CTNNA2: variants seen among roughly 807,000 people sequenced by gnomAD.
The protein encoded by CTNNA2 is catenin alpha 2, also known as catenin alpha-2.
CTNNA2 carries 42 observed loss-of-function variants against 101.0 expected under a neutral mutation model. The ratio of observed to expected loss-of-function variants is 0.42; its 90% confidence interval spans 0.32 to 0.54. The LOEUF (loss-of-function observed/expected upper bound fraction) is 0.54, where lower values mean the gene tolerates loss of function less well. Ranked by LOEUF, CTNNA2 falls within the 20% of genes least tolerant of loss-of-function variation. The pLI, the probability that CTNNA2 is intolerant of heterozygous loss-of-function variation, is 0.14. For synonymous variants in CTNNA2, 450 were observed against 456.4 expected, an observed-to-expected ratio of 0.99 and a Z score of 0.18; for missense variants, 871 against 1,223.1, an observed-to-expected ratio of 0.71 and a Z score of 4.29.
At chr2:80,403,832 T>A (rs113686524) in intron 8 of CTNNA2, among the ~76,000 whole-genome samples, 3,931 of 152,338 alleles carry the variant, frequency 0.026, 178 homozygotes, top group African/African-American at 0.088. Flanking sequence ...ATGTTGAATT[T>A]TGTCGAAGAT....
At chr2:79,212,091 G>A (rs190158183) in intron 2 of CTNNA2, among the ~76,000 whole-genome samples, 116 of 152,298 alleles carry the variant, frequency 7.6e-4, no homozygotes, top group Non-Finnish European at 1.5e-3. Context: ...ATTAGAGAGT[G>A]CCTAAGGAGG....
intron 2 of CTNNA2, among the ~76,000 whole-genome samples, chr2:79,672,363 T>A (rs994142547): frequency 2.6e-5 from 4 of 152,208 alleles, no homozygotes; most frequent in Admixed American, 6.5e-5. Flanking sequence ...TCACGAACAT[T>A]AAAGCAAATT....
In CTNNA2 at chr2:79,976,272, G is replaced by T. The variant is rs568394481; in HGVS notation, c.1056+66475G>T. Among the ~76,000 whole-genome samples, 3 of 152,196 alleles carry T rather than the reference G, an allele frequency of 2.0e-5. No homozygotes were observed. The East Asian group carries it at 5.8e-4, about 29-fold the overall frequency. On this transcript the variant is annotated intron_variant, in intron 7 of 18. Coordinates refer to ENST00000402739, the MANE Select transcript of CTNNA2 (RefSeq NM_001282597.3). The stretch of plus-strand genomic sequence containing the variant: ...TCTGGTATAACAAGGATTTTTGCTT[G>T]CCATTCCTCACTAAACTGTGGGGAG...
rs185030369 is a variant in CTNNA2, at chr2:80,374,106, G to A, written c.1057-19105G>A. Among the ~76,000 whole-genome samples the A allele has an allele frequency of 7.9e-5, 12 of 152,206 alleles. No individual in the cohort carries two copies. The East Asian group carries it at 2.3e-3, about 29-fold the overall frequency. On this transcript the variant is annotated intron_variant, in intron 7 of 18. Coordinates refer to ENST00000402739, the MANE Select transcript of CTNNA2 (RefSeq NM_001282597.3). ...TCTTATTTTTGATTCAGGGCAACAG[G>A]TACAGGTTTGTTATATTGATGGACT...
chr2:79,632,019 CTG>C (rs1163898442), intron 1 of CTNNA2, among the ~76,000 whole-genome samples: 1 of 152,104 alleles, frequency 6.6e-6, no homozygotes, highest in Non-Finnish European at 1.5e-5. Flanking sequence ...TTTTAGCAGA[CTG>C]TGTGTTTAAG....
chr2:79,198,003 A>T (rs1035382288), exon 2 of CTNNA2: 10 of 152,174 alleles, frequency 6.6e-5, no homozygotes, highest in African/African-American at 2.4e-4. Context: ...CAGTCTCTTG[A>T]CCTCGTGATC....
chr2:80,633,594 G>T (rs1001182527), intron 18 of CTNNA2, among the ~76,000 whole-genome samples: 5 of 152,148 alleles, frequency 3.3e-5, no homozygotes, highest in Non-Finnish European at 7.3e-5. Context: ...AAAGCCTATG[G>T]TAGATCTGCC....
chr2:79,566,499 A>G (rs1356933550), intron 1 of CTNNA2, among the ~76,000 whole-genome samples: 1 of 152,164 alleles, frequency 6.6e-6, no homozygotes, highest in Admixed American at 6.6e-5. Flanking sequence ...CAGGGAAGTC[A>G]AATCTATTGC....
chr2:80,099,071 C>G (rs1254568215), intron 7 of CTNNA2, among the ~76,000 whole-genome samples: 2 of 151,894 alleles, frequency 1.3e-5, no homozygotes, highest in Admixed American at 6.6e-5. Flanking sequence ...GTTGGAAATG[C>G]AGAAATCACC....
intron 7 of CTNNA2, among the ~76,000 whole-genome samples, chr2:79,914,967 C>G (rs1686086665): frequency 6.6e-6 from 1 of 151,556 alleles, no homozygotes; most frequent in Admixed American, 6.6e-5. Context: ...AAAGTGGGTT[C>G]CTGAAGGAGC....
intron 7 of CTNNA2, among the ~76,000 whole-genome samples, chr2:80,023,869 C>T (rs893680846): frequency 2.0e-5 from 3 of 151,958 alleles, no homozygotes; most frequent in Admixed American, 2.0e-4. Context: ...GGGCGGATCA[C>T]GAGGTCAGGA....
intron 7 of CTNNA2, among the ~76,000 whole-genome samples, chr2:79,992,313 G>T (rs563720364): frequency 6.6e-6 from 1 of 152,078 alleles, no homozygotes; most frequent in Admixed American, 6.5e-5. Flanking sequence ...AAAAAGAAAA[G>T]AAATGATTAT....
At chr2:80,507,406 A>G (rs1688364882) in intron 9 of CTNNA2, among the ~76,000 whole-genome samples, 1 of 152,168 alleles carries the variant, frequency 6.6e-6, no homozygotes, top group African/African-American at 2.4e-5. Context: ...TTTCTTACCT[A>G]TATTTGAGTT....
chr2:79,731,296 G>A (rs1687179717), intron 2 of CTNNA2, among the ~76,000 whole-genome samples: 1 of 152,038 alleles, frequency 6.6e-6, no homozygotes, highest in Non-Finnish European at 1.5e-5. Flanking sequence ...TTTCATTGAT[G>A]ATTTAGACTT....
rs149198603 is a variant in CTNNA2 at position 80,434,134 on chromosome 2, C to T, written c.1290+14533C>T. Among the ~76,000 whole-genome samples, 129 of 152,270 alleles carry T rather than the reference C, an allele frequency of 8.5e-4. 1 individual carries two copies. Among genetic ancestry groups the T allele is most frequent in the Middle Eastern group, 3.4e-3 (1 of 294 alleles). ...ATAGAGTCCAAGTGTACATCCACAA[C>T]GAAAAGCATCAAAGCTAATATTTCT... is the stretch of plus-strand genomic sequence containing the variant. On this transcript the variant is annotated intron_variant, in intron 9 of 18. Coordinates refer to ENST00000402739, the MANE Select transcript of CTNNA2 (RefSeq NM_001282597.3).
intron 16 of CTNNA2, 56 bp downstream of exon 16, chr2:80,604,235 G>T: frequency 4.2e-6 from 6 of 1,425,330 alleles, no homozygotes; most frequent in Non-Finnish European, 5.9e-6. Context: ...ATTAGCACTT[G>T]GGTTTTGTAA....
chr2:79,368,490 C>A (rs919518298), intron 3 of CTNNA2, among the ~76,000 whole-genome samples: 3 of 152,198 alleles, frequency 2.0e-5, no homozygotes, highest in Admixed American at 1.3e-4. Context: ...CATAGCTGGA[C>A]GTTGTGCGGA....
intron 9 of CTNNA2, among the ~76,000 whole-genome samples, chr2:80,498,217 A>C (rs953280507): frequency 2.0e-5 from 3 of 152,196 alleles, no homozygotes; most frequent in South Asian, 2.1e-4. Flanking sequence ...GCCTCCCATT[A>C]TCACAGACTT....
chr2:80,299,743 TAC>T (rs1365349655), intron 7 of CTNNA2: 4 of 152,298 alleles, frequency 2.6e-5, no homozygotes, highest in Admixed American at 6.5e-5. Flanking sequence ...GGAGATAAAC[TAC>T]AGTTTCCAAT....
Sources: gnomAD v4.1 joint callset for allele counts (sites outside exome capture counted in the v4.1 genomes callset) on GRCh38, gnomAD v4.1.1 for gene constraint, MANE v1.5 for transcripts, NCBI Gene and HGNC (gene_info 2026-07-23, HGNC 2026-07-21) for gene names.